The following R3HDM1 variants were observed in gnomAD, a reference collection of about 807,000 sequenced individuals.
R3HDM1 encodes R3H domain-containing protein 1.
R3HDM1 carries 46 observed loss-of-function variants against 141.1 expected under a neutral mutation model. The observed-to-expected ratio is 0.33, with a 90% CI of 0.26 to 0.42. R3HDM1 has a LOEUF of 0.42. Ranked by LOEUF, R3HDM1 falls within the 10% of genes least tolerant of loss-of-function variation. The pLI, the probability that R3HDM1 is intolerant of heterozygous loss-of-function variation, is 1.00. For synonymous variants in R3HDM1, 435 were observed against 472.9 expected, an observed-to-expected ratio of 0.92 and a Z score of 1.04; for missense variants, 1,184 against 1,368.3, an observed-to-expected ratio of 0.87 and a Z score of 2.12.
At chr2:135,701,600 CT>C (rs958630599) in intron 21 of R3HDM1, among the ~76,000 whole-genome samples, 5 of 152,068 alleles carry the variant, frequency 3.3e-5, no homozygotes, top group Non-Finnish European at 5.9e-5. Flanking sequence ...TTCAGGTGAT[CT>C]AGATCATCAA....
chr2:135,670,693 C>A (rs1037690568), intron 19 of R3HDM1, among the ~76,000 whole-genome samples: 1 of 151,828 alleles, frequency 6.6e-6, no homozygotes, highest in Admixed American at 6.6e-5. Context: ...TATTTTTTTC[C>A]AAATTTTCTA....
At position 135,604,996 on chromosome 2, in the gene R3HDM1, G is replaced by A; in HGVS notation, c.151G>A (p.Glu51Lys). 6.2e-7 allele frequency: 1 copy of A among 1,605,392 alleles called. No individual in the cohort carries two copies. Residue 51 changes from glutamate (E) to lysine (K), a missense_variant, in exon 3 of 27, where the codon GAG becomes AAG. By Grantham distance (56) the Glu-to-Lys change is moderately conservative (BLOSUM62 1). Coordinates refer to ENST00000683871, the MANE Select transcript of R3HDM1 (RefSeq NM_001378107.1). ...GGTAGAGAAGAATGAACATTGTATT[G>A]AGAACAATATAGATTTGCAGGTAAA... ...ILVEKNEHCI[E>K]NNIDLQRPLQ...
At chr2:135,550,135 G>C (rs746911344) in intron 1 of R3HDM1, 1 of 983,056 alleles carries the variant, frequency 1.0e-6, no homozygotes, top group Non-Finnish European at 1.2e-6. Flanking sequence ...AAATATTTTG[G>C]TTGTCATTCT....
At chr2:135,533,148 A>T (rs1574311346) in intron 1 of R3HDM1, among the ~76,000 whole-genome samples, 1 of 152,180 alleles carries the variant, frequency 6.6e-6, no homozygotes, top group African/African-American at 2.4e-5. Flanking sequence ...GGTATCTATT[A>T]AAAAAATGAA....
chr2:135,658,909 T>C (rs997737495), intron 18 of R3HDM1, among the ~76,000 whole-genome samples: 3 of 152,168 alleles, frequency 2.0e-5, no homozygotes, highest in Non-Finnish European at 4.4e-5. Context: ...CATCATTGTC[T>C]TCCACCTCCA....
At position 135,555,859 on chromosome 2, in the gene R3HDM1, T is replaced by TA. The variant is rs552606847; in HGVS notation, c.-250+24233dup. Among the ~76,000 whole-genome samples the TA allele has an allele frequency of 7.9e-5, 12 of 151,958 alleles. No individual in the cohort carries two copies. The South Asian group carries it at 2.5e-3, about 32-fold the overall frequency. ...GGGGCAACATAATTTCTACAGAAAT[T>TA]AAAAAAATTAGCTGGGCATGGTGGC... is the stretch of plus-strand genomic sequence containing the variant. On this transcript the variant is annotated intron_variant, in intron 1 of 26. Coordinates refer to ENST00000683871, the MANE Select transcript of R3HDM1 (RefSeq NM_001378107.1).
intron 15 of R3HDM1, 34 bp from the exon 16 acceptor site, chr2:135,645,345 A>G (rs750073567): frequency 6.4e-7 from 1 of 1,553,916 alleles, no homozygotes; most frequent in Non-Finnish European, 8.8e-7. Context: ...CCTGTATTCT[A>G]AGTTATTTTT....
intron 19 of R3HDM1, among the ~76,000 whole-genome samples, chr2:135,672,196 C>G (rs2068492876): frequency 6.6e-6 from 1 of 152,194 alleles, no homozygotes; most frequent in Admixed American, 6.5e-5. Flanking sequence ...CTTATTTATG[C>G]TACTTCTGAA....
intron 2 of R3HDM1, among the ~76,000 whole-genome samples, chr2:135,604,507 G>A (rs1011669286): frequency 2.6e-5 from 4 of 152,140 alleles, no homozygotes; most frequent in African/African-American, 7.2e-5. Flanking sequence ...ATGTTGCCCT[G>A]GTTGGCCTCT....
At chr2:135,688,508 A>G (rs2071761071) in intron 21 of R3HDM1, among the ~76,000 whole-genome samples, 1 of 152,126 alleles carries the variant, frequency 6.6e-6, no homozygotes, top group African/African-American at 2.4e-5. Flanking sequence ...TGGCTTCTCA[A>G]TATGATAACC....
At chr2:135,538,537 CATATT>C (rs915484103) in intron 1 of R3HDM1, among the ~76,000 whole-genome samples, 3 of 152,122 alleles carry the variant, frequency 2.0e-5, no homozygotes, top group South Asian at 2.1e-4. Flanking sequence ...TTAAAATAGA[CATATT>C]ATAGCTGTAC....
In R3HDM1 at chr2:135,677,210, G is replaced by A. The variant is rs537030643; in HGVS notation, c.2307+1724G>A. ...TGTCAAATGTTGTTGAGCACCAAGTGTATGTCCACTTTTGAGAACCCTTTA... is the reference window on the plus strand; with the variant it reads ...TGTCAAATGTTGTTGAGCACCAAGTATATGTCCACTTTTGAGAACCCTTTA... On this transcript the variant is annotated intron_variant, in intron 20 of 26. Transcript: ENST00000683871. 2.6e-4 allele frequency among the ~76,000 whole-genome samples: 39 copies of A among 152,314 alleles called. No homozygotes were observed. The East Asian group carries it at 7.5e-3, about 29-fold the overall frequency.
chr2:135,664,627 G>A (rs2067224332), intron 19 of R3HDM1, among the ~76,000 whole-genome samples: 1 of 152,158 alleles, frequency 6.6e-6, no homozygotes, highest in Non-Finnish European at 1.5e-5. Context: ...AGGATAAAAT[G>A]CTCTAGGTCT....
At chr2:135,706,591 G>A (rs2074958226) in intron 21 of R3HDM1, among the ~76,000 whole-genome samples, 1 of 152,058 alleles carries the variant, frequency 6.6e-6, no homozygotes, top group African/African-American at 2.4e-5. Context: ...TAACGAGCCT[G>A]CTGCCTTCAA....
intron 1 of R3HDM1, among the ~76,000 whole-genome samples, chr2:135,544,214 T>C (rs1698221363): frequency 1.3e-5 from 2 of 152,308 alleles, no homozygotes; most frequent in South Asian, 4.1e-4. Flanking sequence ...CAGTGAAAGG[T>C]ACAAATAGTT....
At chr2:135,699,161 T>C (rs2073882937) in intron 21 of R3HDM1, among the ~76,000 whole-genome samples, 1 of 151,880 alleles carries the variant, frequency 6.6e-6, no homozygotes, top group African/African-American at 2.4e-5. Context: ...CCTAAATATA[T>C]AGAAGACTTT....
chr2:135,550,275 G>A (rs759456882), intron 1 of R3HDM1: 11 of 952,370 alleles, frequency 1.2e-5, no homozygotes, highest in Non-Finnish European at 1.2e-5. Flanking sequence ...TAGCATTTAA[G>A]TTTTATTTGT....
rs143428146 is a variant in R3HDM1 at position 135,534,302 on chromosome 2, T to C, written c.-250+2669T>C. Among the ~76,000 whole-genome samples, 701 of 152,382 alleles carry C rather than the reference T, an allele frequency of 4.6e-3. 1 individual carries two copies. The highest frequency in any genetic ancestry group is 0.015 in the South Asian group (71 of 4,832). ...ATATACTTGCTATCCATATTCATTG[T>C]GCTACCAGATGACATTTGAACTGTT... On this transcript the variant is annotated intron_variant, in intron 1 of 26. Transcript: ENST00000683871.
At position 135,621,475 on chromosome 2, in the gene R3HDM1, T is replaced by A; in HGVS notation, c.304-19T>A. 6.9e-7 allele frequency: 1 copy of A among 1,449,678 alleles called. No homozygotes were observed. The highest frequency in any genetic ancestry group is 9.4e-7 in the Non-Finnish European group (1 of 1,060,396). 89.8% of individuals were successfully genotyped at this position (1,449,678 alleles called of 1,614,324 possible). A position where few individuals can be genotyped will look rare whatever the true frequency, so the allele number is the denominator to read the frequency against. ...TTGTATTGTATTTTCATTGAATAAT[T>A]GACTTTGCCTTCCAACAGGAGAAAA... On this transcript the variant is annotated intron_variant, in intron 5 of 26. Coordinates refer to ENST00000683871, the MANE Select transcript of R3HDM1 (RefSeq NM_001378107.1).
Sources: gnomAD v4.1 joint callset for allele counts (sites outside exome capture counted in the v4.1 genomes callset) on GRCh38, gnomAD v4.1.1 for gene constraint, MANE v1.5 for transcripts, NCBI Gene and HGNC (gene_info 2026-07-23, HGNC 2026-07-21) for gene names.